The following CDK12 variants were observed in gnomAD, a reference collection of about 807,000 sequenced individuals.
The protein encoded by CDK12 is cyclin dependent kinase 12.
Under a neutral mutation model 133.8 loss-of-function variants are expected in CDK12, and 17 were observed. The observed-to-expected ratio is 0.13, with a 90% CI of 0.09 to 0.19. The LOEUF (loss-of-function observed/expected upper bound fraction) is 0.19, where lower values mean the gene tolerates loss of function less well. Among genes scored for constraint, CDK12 ranks in the 10% least tolerant of loss-of-function variants. The probability of loss-of-function intolerance (pLI) is 1.00; values close to 1 mark genes in which losing one functional copy is unlikely to be tolerated. For synonymous variants in CDK12, 694 were observed against 683.6 expected (o/e 1.02, Z -0.24); for missense variants, 1,508 against 1,818.7 (o/e 0.83, Z 3.11).
upstream of CDK12, chr17:39,550,034 G>C (rs1005248599): frequency 6.7e-6 from 1 of 150,316 alleles, no homozygotes; most frequent in African/African-American, 2.5e-5. Flanking sequence ...CTCTCTCTCA[G>C]CTCAAAGCAC....
chr17:39,462,928 A>T lies in CDK12; in HGVS notation c.857A>T (p.Gln286Leu). ...SPPYKEPSAY[Q>L]SSTRSPSPYS... ...CCTTACAAGGAGCCTTCGGCCTACC[A>T]GTCCAGCACCCGGTCACCGAGCCCC... Residue 286 changes from glutamine (Q) to leucine (L), a missense_variant, in exon 1 of 14, where the codon CAG becomes CTG. Physicochemically the swap from Gln to Leu is moderately radical, Grantham distance 113. Around this residue, in one of 9 missense-constraint regions of CDK12, gnomAD observed 460 missense variants for 490.8 expected, o/e 0.94. Transcript: ENST00000447079. 6.2e-7 allele frequency: 1 copy of T among 1,614,194 alleles called. No individual in the cohort carries two copies. Among genetic ancestry groups the T allele is most frequent in the South Asian group, 1.1e-5 (1 of 91,080 alleles).
chr17:39,463,176 T>G, intron 1 of CDK12, 59 bp downstream of exon 1: 1 of 1,468,192 alleles, frequency 6.8e-7, no homozygotes, highest in South Asian at 1.2e-5. Flanking sequence ...GAATTGGCAT[T>G]CAGCGTGTTA....
At position 39,520,101 on chromosome 17, in the gene CDK12, G is replaced by C; in HGVS notation, c.3095+14G>C. The C allele has an allele frequency of 6.2e-7, 1 of 1,613,506 alleles. No individual in the cohort carries two copies. ...GGCTCCTCCAGAGTAAGTGCTGGTA[G>C]CCATGTTGTGACCCTAAATCTTTCC... On this transcript the variant is annotated intron_variant, in intron 11 of 13. Coordinates refer to ENST00000447079, the MANE Select transcript of CDK12 (RefSeq NM_016507.4).
rs113960832 is a variant in CDK12 at position 39,464,869 on chromosome 17, T to C, written c.1046+1752T>C. ...TGGGAGGCTGAGGTGGGAGGATTGC[T>C]TGAGCCTAGGAAGTCAAGGCTGCAG... On this transcript the variant is annotated intron_variant, in intron 1 of 13. Coordinates refer to ENST00000447079, the MANE Select transcript of CDK12 (RefSeq NM_016507.4). 4.2e-3 allele frequency among the ~76,000 whole-genome samples: 643 copies of C among 151,668 alleles called. 7 individuals carry two copies. Among genetic ancestry groups the C allele is most frequent in the African/African-American group, 0.015 (610 of 41,338 alleles).
intron 2 of CDK12, among the ~76,000 whole-genome samples, chr17:39,476,048 G>A (rs2050166448): frequency 1.3e-5 from 2 of 151,852 alleles, no homozygotes; most frequent in Non-Finnish European, 2.9e-5. Context: ...GAATATTAAT[G>A]TGGGTAAGAA....
intron 1 of CDK12, among the ~76,000 whole-genome samples, chr17:39,539,591 C>T (rs2055312595): frequency 6.6e-6 from 1 of 152,094 alleles, no homozygotes; most frequent in African/African-American, 2.4e-5. Context: ...GACAGGACAA[C>T]CTCTGAGGAA....
exon 1 of CDK12, chr17:39,550,207 CA>C (rs1213070239): frequency 1.3e-5 from 2 of 152,082 alleles, no homozygotes; most frequent in South Asian, 4.2e-4. Flanking sequence ...TGAATAGGGA[CA>C]GGGGAGGGAT....
In CDK12 at chr17:39,534,461, T is replaced by A. The variant is rs541689959; in HGVS notation, c.*3145T>A. On this transcript the variant is annotated 3_prime_UTR_variant, in exon 14 of 14. Transcript: ENST00000447079. ...GGTGTATCTTGTCTATGTACAGATA[T>A]TTTGTAATATATTAAATTTTTTTCT... 1.7e-5 allele frequency: 4 copies of A among 232,744 alleles called. No individual in the cohort carries two copies. The East Asian group carries it at 2.4e-4, about 14-fold the overall frequency. The allele number at this position is 232,744 out of a possible 1,614,324, so 14.4% of individuals were successfully genotyped here.
In CDK12 at chr17:39,461,533, G is replaced by T. The variant is rs530224947; in HGVS notation, c.-539G>T. 51 of 243,680 alleles carry T rather than the reference G, an allele frequency of 2.1e-4. No homozygotes were observed. Among genetic ancestry groups the T allele is most frequent in the Admixed American group, 7.5e-4 (15 of 19,930 alleles). The allele number at this position is 243,680 out of a possible 1,614,324, so 15.1% of individuals were successfully genotyped here. A position where few individuals can be genotyped will look rare whatever the true frequency, so the allele number is the denominator to read the frequency against. ...AGTGTGTGACTGGGTCTGTGTGAGG[G>T]AGAGAGTGTGTGTGGTGTGGAGGTG... On this transcript the variant is annotated 5_prime_UTR_variant, in exon 1 of 14. Coordinates refer to ENST00000447079, the MANE Select transcript of CDK12 (RefSeq NM_016507.4).
At chr17:39,477,990 G>A (rs942219753) in intron 2 of CDK12, among the ~76,000 whole-genome samples, 1 of 151,566 alleles carries the variant, frequency 6.6e-6, no homozygotes, top group African/African-American at 2.4e-5. Flanking sequence ...ACAGGCATGA[G>A]CCACTGCACC....
chr17:39,469,839 G>A (rs1040492201), intron 1 of CDK12, among the ~76,000 whole-genome samples: 2 of 151,986 alleles, frequency 1.3e-5, no homozygotes, highest in South Asian at 4.2e-4. Context: ...GTTTCTCCAT[G>A]TTGGTCAGGC....
At position 39,513,360 on chromosome 17, in the gene CDK12, G is replaced by A. The variant is rs147563957; in HGVS notation, c.2768+1730G>A. On this transcript the variant is annotated intron_variant, in intron 8 of 13. Transcript: ENST00000447079. ...CAGTCTTTAAGAGGAGCACTACAGG[G>A]GTTTTATTTTAAAATTCAACAGAAT... Among the ~76,000 whole-genome samples the A allele has an allele frequency of 4.0e-3, 604 of 152,068 alleles. 6 individuals are homozygous for A. The highest frequency in any genetic ancestry group is 0.014 in the African/African-American group (576 of 41,494).
intron 5 of CDK12, among the ~76,000 whole-genome samples, chr17:39,496,912 CTTT>C (rs71147349): frequency 1.3e-4 from 11 of 87,820 alleles, no homozygotes; most frequent in African/African-American, 5.3e-4. Flanking sequence ...TTCAGTATAT[CTTT>C]TTTTTTTTTT....
upstream of CDK12, among the ~76,000 whole-genome samples, chr17:39,544,550 T>C (rs568741726): frequency 6.6e-6 from 1 of 150,582 alleles, no homozygotes; most frequent in African/African-American, 2.4e-5. Flanking sequence ...CAATCTCAGC[T>C]CACTTCAACC....
At chr17:39,515,230 A>C (rs2053728544) in intron 8 of CDK12, among the ~76,000 whole-genome samples, 1 of 152,100 alleles carries the variant, frequency 6.6e-6, no homozygotes, top group African/African-American at 2.4e-5. Context: ...AAAATAAAAA[A>C]AGTCCAACTG....
intron 1 of CDK12, among the ~76,000 whole-genome samples, chr17:39,466,473 G>A (rs1165258535): frequency 2.6e-5 from 4 of 150,988 alleles, no homozygotes; most frequent in South Asian, 2.1e-4. Context: ...AATTAGCTGG[G>A]CGTGGTGTCA....
chr17:39,529,380 A>T (rs2054689349), intron 13 of CDK12, among the ~76,000 whole-genome samples: 1 of 152,186 alleles, frequency 6.6e-6, no homozygotes, highest in Admixed American at 6.5e-5. Flanking sequence ...TTATAACTAA[A>T]AACTGTTTTT....
chr17:39,473,470 G>C (rs2049952485), intron 2 of CDK12, among the ~76,000 whole-genome samples: 3 of 152,080 alleles, frequency 2.0e-5, no homozygotes. Flanking sequence ...GGCTGGGCTT[G>C]GTGGCTCACG....
intron 2 of CDK12, among the ~76,000 whole-genome samples, chr17:39,478,886 GTGTTTC>G (rs1292922237): frequency 6.6e-6 from 1 of 152,016 alleles, no homozygotes; most frequent in Non-Finnish European, 1.5e-5. Context: ...AATTCATGAT[GTGTTTC>G]TGTTTCTATT....
Sources: gnomAD v4.1 joint callset for allele counts (sites outside exome capture counted in the v4.1 genomes callset) on GRCh38, gnomAD v4.1.1 for gene constraint, gnomAD v4.1.1 regional missense constraint, MANE v1.5 for transcripts, NCBI Gene and HGNC (gene_info 2026-07-23, HGNC 2026-07-21) for gene names.